Variants in RAB27A observed in about 807,000 individuals in gnomAD.
RAB27A encodes ras-related protein Rab-27A.
RAB27A carries 17 observed loss-of-function variants against 20.8 expected under a neutral mutation model. The ratio of observed to expected loss-of-function variants is 0.82; its 90% CI spans 0.56 to 1.23. The LOEUF (loss-of-function observed/expected upper bound fraction) is 1.23. RAB27A is among the 50% of genes most tolerant of loss of function. The pLI is 0.00. For synonymous variants in RAB27A, 85 were observed against 92.8 expected, an observed-to-expected ratio of 0.92 and a Z score of 0.48; for missense variants, 277 against 266.7, an observed-to-expected ratio of 1.04 and a Z score of -0.27.
intron 2 of RAB27A, among the ~76,000 whole-genome samples, chr15:55,311,944 C>G (rs1028061466): frequency 1.7e-4 from 26 of 152,262 alleles, no homozygotes; most frequent in African/African-American, 6.3e-4. Context: ...GGTGGCAAGC[C>G]TCGTGTTCTC....
At chr15:55,211,013 A>T (rs1338007411) in intron 6 of RAB27A, among the ~76,000 whole-genome samples, 1 of 152,136 alleles carries the variant, frequency 6.6e-6, no homozygotes, top group East Asian at 1.9e-4. Flanking sequence ...TCATTTATTG[A>T]AGAGAATGTC....
At chr15:55,298,572 T>C (rs1054334147) in intron 2 of RAB27A, among the ~76,000 whole-genome samples, 2 of 152,138 alleles carry the variant, frequency 1.3e-5, no homozygotes, top group Non-Finnish European at 2.9e-5. Context: ...AATTTGCTAA[T>C]GAAGTTTCAG....
At chr15:55,215,062 A>C (rs1439638499) in intron 6 of RAB27A, among the ~76,000 whole-genome samples, 1 of 152,196 alleles carries the variant, frequency 6.6e-6, no homozygotes. Context: ...AAAAACTCAG[A>C]TCTCCCGCAA....
In RAB27A at chr15:55,203,457, C is replaced by A. The variant is rs1894489953; in HGVS notation, c.*2050G>T. The A allele has an allele frequency of 6.7e-6, 1 of 148,368 alleles. No individual in the cohort carries two copies. The highest frequency in any genetic ancestry group is 2.1e-4 in the South Asian group (1 of 4,652). 9.2% of individuals were successfully genotyped at this position (148,368 alleles called of 1,614,324 possible). ...TTGAGACAGAGTCTCCTCTGTCGCC[C>A]AGGCTGGAGTGCAGTGGCGCAATCT... On this transcript the variant is annotated 3_prime_UTR_variant, in exon 7 of 7. Coordinates refer to ENST00000336787, the MANE Select transcript of RAB27A (RefSeq NM_183235.3).
rs527545414 is a variant in RAB27A, at chr15:55,267,758, G to A, written c.-23+2407C>T. ...ATCCTACTGAGGAAAAACAGAAATG[G>A]AGGCAGGAAGAAGACAGTTTCCCCT... On this transcript the variant is annotated intron_variant, in intron 2 of 6. Coordinates refer to ENST00000336787, the MANE Select transcript of RAB27A (RefSeq NM_183235.3). 1.1e-4 allele frequency among the ~76,000 whole-genome samples: 17 copies of A among 152,268 alleles called. No homozygotes were observed. The South Asian group carries it at 2.7e-3, about 24-fold the overall frequency.
chr15:55,268,405 A>T (rs1222210346), intron 2 of RAB27A, among the ~76,000 whole-genome samples: 4 of 152,208 alleles, frequency 2.6e-5, no homozygotes, highest in Non-Finnish European at 5.9e-5. Flanking sequence ...CAATTTCTTC[A>T]TCTGTAAAAT....
chr15:55,214,234 A>G (rs1370859427), intron 6 of RAB27A, among the ~76,000 whole-genome samples: 8 of 149,382 alleles, frequency 5.4e-5, no homozygotes, highest in East Asian at 1.9e-4. Flanking sequence ...CGGGAGATCG[A>G]GACCATCCTG....
chr15:55,234,380 T>G (rs1896165328), intron 3 of RAB27A, among the ~76,000 whole-genome samples: 1 of 152,162 alleles, frequency 6.6e-6, no homozygotes, highest in Non-Finnish European at 1.5e-5. Context: ...GTGGAACTGC[T>G]GAGACTTTAT....
chr15:55,260,192 A>C (rs1481086585), intron 2 of RAB27A, among the ~76,000 whole-genome samples: 2 of 152,242 alleles, frequency 1.3e-5, no homozygotes, highest in African/African-American at 4.8e-5. Flanking sequence ...AAGATGCTCA[A>C]TATCATATGT....
intron 2 of RAB27A, among the ~76,000 whole-genome samples, chr15:55,252,857 G>A (rs1459796444): frequency 4.6e-5 from 7 of 152,126 alleles, no homozygotes; most frequent in South Asian, 2.1e-4. Flanking sequence ...CTCCCTGGCC[G>A]GGCGCGGTGG....
intron 2 of RAB27A, among the ~76,000 whole-genome samples, chr15:55,239,892 A>C (rs1199962422): frequency 2.6e-5 from 4 of 152,150 alleles, no homozygotes; most frequent in Non-Finnish European, 4.4e-5. Context: ...CAGCCTTCTT[A>C]TCTGAGCTTG....
At chr15:55,265,381 C>G (rs1027382585) in intron 2 of RAB27A, among the ~76,000 whole-genome samples, 13 of 152,046 alleles carry the variant, frequency 8.6e-5, no homozygotes, top group African/African-American at 3.1e-4. Flanking sequence ...AAACTTCACA[C>G]AGGGGCATCT....
At chr15:55,256,416 A>T (rs1897080688) in intron 2 of RAB27A, among the ~76,000 whole-genome samples, 1 of 152,148 alleles carries the variant, frequency 6.6e-6, no homozygotes, top group Non-Finnish European at 1.5e-5. Flanking sequence ...CCTGTCTCAA[A>T]AAAAGAAAGA....
chr15:55,223,284 G>T lies in RAB27A; in HGVS notation c.467+605C>A, dbSNP rs1167986366. On this transcript the variant is annotated intron_variant, in intron 6 of 6. Coordinates refer to ENST00000336787, the MANE Select transcript of RAB27A (RefSeq NM_183235.3). ...CACTTTGGGAGGCTGAGGCGGGTGGGTCACAAGGTCAGGAGTTGGAGACCA... is the reference window on the plus strand; with the variant it reads ...CACTTTGGGAGGCTGAGGCGGGTGGTTCACAAGGTCAGGAGTTGGAGACCA... Among the ~76,000 whole-genome samples the T allele has an allele frequency of 2.0e-5, 3 of 152,022 alleles. No homozygotes were observed. The East Asian group carries it at 5.8e-4, about 29-fold the overall frequency.
chr15:55,247,987 G>A lies in RAB27A; in HGVS notation c.-22-13031C>T, dbSNP rs963083683. Among the ~76,000 whole-genome samples, 12 of 147,766 alleles carry A rather than the reference G, an allele frequency of 8.1e-5. 1 individual carries two copies. The highest frequency in any genetic ancestry group is 4.1e-4 in the Admixed American group (6 of 14,682). On this transcript the variant is annotated intron_variant, in intron 2 of 6. Coordinates refer to ENST00000336787, the MANE Select transcript of RAB27A (RefSeq NM_183235.3). Reference sequence around the variant, plus strand: ...CTCACTCTGTGGCCCAGGCGTGAGTGCAGTGGCGCAATCTCTGCTCACTGC... The same window carrying A: ...CTCACTCTGTGGCCCAGGCGTGAGTACAGTGGCGCAATCTCTGCTCACTGC...
At chr15:55,224,620 T>C (rs1397396433) in intron 5 of RAB27A, among the ~76,000 whole-genome samples, 1 of 152,142 alleles carries the variant, frequency 6.6e-6, no homozygotes, top group African/African-American at 2.4e-5. Context: ...AGGACTATAA[T>C]TCTTATTCCG....
intron 2 of RAB27A, among the ~76,000 whole-genome samples, chr15:55,297,576 T>C (rs548211816): frequency 6.6e-6 from 1 of 152,318 alleles, no homozygotes; most frequent in South Asian, 2.1e-4. Context: ...ACCAGTGCCA[T>C]CCAACAACTG....
intron 6 of RAB27A, among the ~76,000 whole-genome samples, chr15:55,210,436 G>GA (rs1441262946): frequency 6.8e-6 from 1 of 146,180 alleles, no homozygotes; most frequent in South Asian, 2.1e-4. Flanking sequence ...GAGGGGGGGG[G>GA]AATTACTGCC....
intron 5 of RAB27A, among the ~76,000 whole-genome samples, chr15:55,225,297 A>T (rs1354866078): frequency 6.6e-6 from 1 of 152,182 alleles, no homozygotes; most frequent in Non-Finnish European, 1.5e-5. Context: ...TGGCTCTGCC[A>T]TTTACTAGCT....
Sources: gnomAD v4.1 joint callset for allele counts (sites outside exome capture counted in the v4.1 genomes callset) on GRCh38, gnomAD v4.1.1 for gene constraint, MANE v1.5 for transcripts, NCBI Gene and HGNC (gene_info 2026-07-23, HGNC 2026-07-21) for gene names.